The following PRDM15 variants were observed in gnomAD, a reference collection of about 807,000 sequenced individuals.
The protein encoded by PRDM15 is PR domain zinc finger protein 15.
In PRDM15, 64 loss-of-function variants were observed where a neutral mutation model predicts 128.6. That is an observed-to-expected ratio of 0.50 (90% confidence interval 0.41 to 0.61). PRDM15 has a LOEUF of 0.61. Among genes scored for constraint, PRDM15 ranks in the 20% least tolerant of loss-of-function variants. PRDM15 has a pLI of 0.00. For synonymous variants in PRDM15, 615 were observed against 621.8 expected (o/e 0.99, Z 0.16); for missense variants, 1,242 against 1,569.1 (o/e 0.79, Z 3.52).
chr21:41,823,832 T>C (rs1469628321), intron 13 of PRDM15, among the ~76,000 whole-genome samples: 1 of 152,254 alleles, frequency 6.6e-6, no homozygotes, highest in Non-Finnish European at 1.5e-5. Flanking sequence ...GAAAGCTAGT[T>C]ACCCCCTTGG....
rs369608863 is a variant in PRDM15, at chr21:41,854,691, C to T, written c.413G>A (p.Ser138Asn). Residue 138 changes from serine to asparagine, a missense_variant, in exon 5 of 24, where the codon AGC becomes AAC. Ser to Asn is a conservative substitution (Grantham distance 46). This residue lies in a region of PRDM15 where 612 missense variants were observed against 717.0 expected (regional missense o/e 0.85). Transcript: ENST00000398548. This position sits in a 1 kb window ranked among gnomAD's most constrained non-coding sequence, Gnocchi z 4.6. ...TCTGGAGGTGGTGAAGTACACGTCG[C>T]TGCCGTGCTGGTAGGCCGTCAGGTT... Reference protein sequence around the residue: ...HQNLTAYQHGSDVYFTTSRDI... With the variant: ...HQNLTAYQHGNDVYFTTSRDI... The T allele has an allele frequency of 6.2e-7, 1 of 1,613,598 alleles. No homozygotes were observed. The highest frequency in any genetic ancestry group is 1.3e-5 in the African/African-American group (1 of 75,064).
chr21:41,876,721 C>T (rs2064431601), intron 1 of PRDM15, among the ~76,000 whole-genome samples: 1 of 152,214 alleles, frequency 6.6e-6, no homozygotes. Context: ...CCCTGAATGC[C>T]TCAGGTCACC....
At chr21:41,871,503 G>A (rs1187849652) in intron 1 of PRDM15, 2 of 1,603,530 alleles carry the variant, frequency 1.2e-6, no homozygotes, top group Non-Finnish European at 8.5e-7. Flanking sequence ...CCAGGAGGTA[G>A]GGCAGGATTG....
In PRDM15 at chr21:41,821,944, C is replaced by T. The variant is rs1314285284; in HGVS notation, c.1855G>A (p.Ala619Thr). ...EENDDNSDES[A>T]DSEPHKYSCK... is the part of the protein sequence containing the mutation. ...CTGTACTTGTGAGGCTCCGAGTCTG[C>T]GCTCTCGTCAGAATTGTCATCGTTT... Residue 619 changes from alanine to threonine, a missense_variant, in exon 15 of 24, where the codon GCA becomes ACA. By Grantham distance (58) the Ala-to-Thr change is moderately conservative. This residue lies in a region of PRDM15 where 602 missense variants were observed against 788.3 expected (regional missense o/e 0.76). Coordinates refer to ENST00000398548, the MANE Select transcript of PRDM15 (RefSeq NM_001040424.3). The surrounding 1 kb of genome is among the most constrained non-coding windows in gnomAD (Gnocchi z 5.4). 16 of 1,614,068 alleles carry T rather than the reference C, an allele frequency of 9.9e-6. No homozygotes were observed. Among genetic ancestry groups the T allele is most frequent in the African/African-American group, 9.3e-5 (7 of 74,952 alleles).
chr21:41,863,283 T>A (rs1447794432), intron 1 of PRDM15: 2 of 151,992 alleles, frequency 1.3e-5, no homozygotes, highest in Middle Eastern at 3.2e-3. Flanking sequence ...GAACCAGCAG[T>A]GCCAGCACTG....
chr21:41,819,460 GCCCCC>G, intron 18 of PRDM15, 117 bp downstream of exon 18: 46 of 598,258 alleles, frequency 7.7e-5, no homozygotes, highest in Non-Finnish European at 1.2e-4. Context: ...CGTGGCCCCG[GCCCCC>G]GCCCCCGCCA....
rs139288305 is a variant in PRDM15 at position 41,802,464 on chromosome 21, T to A, written c.2943+248A>T. ...TACCTAATTGCCACCCGGGCAGGGA[T>A]ATCTCTCTTCAACATGCTAGAATAT... On this transcript the variant is annotated intron_variant, in intron 23 of 23. Coordinates refer to ENST00000398548, the MANE Select transcript of PRDM15 (RefSeq NM_001040424.3). 5.3e-5 allele frequency among the ~76,000 whole-genome samples: 8 copies of A among 152,332 alleles called. No homozygotes were observed. In the East Asian group the frequency reaches 1.2e-3, roughly 22 times the overall value.
intron 1 of PRDM15, chr21:41,878,808 G>C (rs769809581): frequency 1.6e-6 from 2 of 1,212,304 alleles, no homozygotes; most frequent in Admixed American, 4.2e-5. Flanking sequence ...CCTCGGCGAC[G>C]ACGCCGCCCG....
At chr21:41,865,510 C>T (rs2063976420) in intron 1 of PRDM15, among the ~76,000 whole-genome samples, 1 of 152,246 alleles carries the variant, frequency 6.6e-6, no homozygotes, top group East Asian at 1.9e-4. Flanking sequence ...CACCCCCTAA[C>T]ACACCCCAGG....
At chr21:41,868,542 T>C (rs2064095799) in intron 1 of PRDM15, among the ~76,000 whole-genome samples, 1 of 152,100 alleles carries the variant, frequency 6.6e-6, no homozygotes, top group Non-Finnish European at 1.5e-5. Flanking sequence ...AGATGTGAAG[T>C]GGTGTCTCCT....
chr21:41,836,020 G>T (rs1468882487), intron 10 of PRDM15, 93 bp downstream of exon 10: 6 of 524,300 alleles, frequency 1.1e-5, no homozygotes, highest in Non-Finnish European at 1.9e-5. Flanking sequence ...TCCCTCCTGG[G>T]ATTCTTTCTT....
At chr21:41,807,248 A>G (rs917526272) in intron 21 of PRDM15, among the ~76,000 whole-genome samples, 26 of 152,176 alleles carry the variant, frequency 1.7e-4, no homozygotes, top group African/African-American at 6.0e-4. Context: ...ATTCATTCAA[A>G]GTAAAGAGAA....
At position 41,859,064 on chromosome 21, in the gene PRDM15, C is replaced by A. The variant is rs2063729620; in HGVS notation, c.131+528G>T. On this transcript the variant is annotated intron_variant, in intron 3 of 23. Coordinates refer to ENST00000398548, the MANE Select transcript of PRDM15 (RefSeq NM_001040424.3). This position sits in a 1 kb window ranked among gnomAD's most constrained non-coding sequence, Gnocchi z 5.3. ...GGCCACCAGGTGGCACAGCCTCCCC[C>A]AGGTGAGGGTGGAACGGCAGGGCAG... The A allele has an allele frequency of 6.3e-7, 1 of 1,575,982 alleles. No homozygotes were observed. The highest frequency in any genetic ancestry group is 1.3e-5 in the African/African-American group (1 of 74,550).
chr21:41,819,915 G>A, intron 17 of PRDM15, 180 bp downstream of exon 17: 1 of 765,264 alleles, frequency 1.3e-6, no homozygotes, highest in Non-Finnish European at 2.1e-6. Context: ...AGGGGGCTGG[G>A]GGCGCTGGGC....
intron 11 of PRDM15, 32 bp downstream of exon 11, chr21:41,835,405 C>A: frequency 6.4e-7 from 1 of 1,572,854 alleles, no homozygotes; most frequent in Non-Finnish European, 8.7e-7. Flanking sequence ...TACCGCACAG[C>A]GGCCGAGGGG....
In PRDM15 at chr21:41,821,651, G is replaced by A. The variant is rs905808562; in HGVS notation, c.1896+252C>T. Among the ~76,000 whole-genome samples, 67 of 152,276 alleles carry A rather than the reference G, an allele frequency of 4.4e-4. No individual in the cohort carries two copies. Among genetic ancestry groups the A allele is most frequent in the Middle Eastern group, 3.4e-3 (1 of 294 alleles). On this transcript the variant is annotated intron_variant, in intron 15 of 23. Coordinates refer to ENST00000398548, the MANE Select transcript of PRDM15 (RefSeq NM_001040424.3). The surrounding 1 kb of genome is among the most constrained non-coding windows in gnomAD (Gnocchi z 5.4). ...TGTGTGTTCCTGAACCGTGTCACAA[G>A]GCAAGTTCCTGGAGGGCGCCTGTGA... is the stretch of plus-strand genomic sequence containing the variant.
Position 41,821,298 on chromosome 21 carries a change from G to T in PRDM15, c.1897-68C>A, listed in dbSNP as rs574098561. ...GTCCCTGGTCCTCTTAGCTAATGAG[G>T]TCGTGTCCACAAACCAGGGCACCCG... is the stretch of plus-strand genomic sequence containing the variant. On this transcript the variant is annotated intron_variant, in intron 15 of 23. Coordinates refer to ENST00000398548, the MANE Select transcript of PRDM15 (RefSeq NM_001040424.3). The surrounding 1 kb of genome is among the most constrained non-coding windows in gnomAD (Gnocchi z 5.4). 4.6e-4 allele frequency: 721 copies of T among 1,582,560 alleles called. 1 individual carries two copies. Among genetic ancestry groups the T allele is most frequent in the Admixed American group, 8.3e-4 (49 of 59,122 alleles).
chr21:41,861,497 C>T, intron 1 of PRDM15: 1 of 1,378,418 alleles, frequency 7.3e-7, no homozygotes, highest in Non-Finnish European at 1.0e-6. Flanking sequence ...AAGTGAGATA[C>T]ACACAGTATG....
At position 41,820,053 on chromosome 21, in the gene PRDM15, C is replaced by G. The variant is rs763884458; in HGVS notation, c.2140+42G>C. The G allele has an allele frequency of 8.3e-6, 13 of 1,560,942 alleles. 2 individuals are homozygous for G. In the South Asian group the frequency reaches 1.3e-4, roughly 16 times the overall value. On this transcript the variant is annotated intron_variant, in intron 17 of 23. Transcript: ENST00000398548. ...CCCAGCATCCCTCCCTGCCAGCCCC[C>G]TCCAGCGAGGGCCGGGACCCCAAAT...
Sources: gnomAD v4.1 joint callset for allele counts (sites outside exome capture counted in the v4.1 genomes callset) on GRCh38, gnomAD v4.1.1 for gene constraint, gnomAD v4.1.1 regional missense constraint, Gnocchi (gnomAD v3.1) non-coding constraint, MANE v1.5 for transcripts, NCBI Gene and HGNC (gene_info 2026-07-23, HGNC 2026-07-21) for gene names.